The following CACNA1C variants were observed in gnomAD, a reference collection of about 807,000 sequenced individuals.
CACNA1C encodes calcium voltage-gated channel subunit alpha1 C, also known as voltage-dependent L-type calcium channel subunit alpha-1C.
In CACNA1C, 30 loss-of-function variants were observed where a neutral mutation model predicts 229.0. The ratio of observed to expected loss-of-function variants is 0.13; its 90% CI spans 0.10 to 0.18. CACNA1C has a LOEUF of 0.18. CACNA1C is among the 10% of genes least tolerant of loss of function. The pLI, the probability that CACNA1C is intolerant of heterozygous loss-of-function variation, is 1.00. For synonymous variants in CACNA1C, 1,114 were observed against 1,132.5 expected (o/e 0.98, Z 0.33); for missense variants, 1,658 against 2,845.0 (o/e 0.58, Z 9.49).
rs2238069 is a variant in CACNA1C at position 2,346,896 on chromosome 12, C to T, written c.478-102080C>T. ...TTAGGGGTGCCATGATTTGAACCAT[C>T]TCACCTCTGCATTTTTGCTGGTGTC... On this transcript the variant is annotated intron_variant, in intron 3 of 46. Transcript: ENST00000399655. This position sits in a 1 kb window ranked among gnomAD's most constrained non-coding sequence, Gnocchi z 4.4. Among the ~76,000 whole-genome samples the T allele has an allele frequency of 0.46, 69,749 of 152,046 alleles. 17,920 individuals carry two copies. The highest frequency in any genetic ancestry group is 0.57 in the Non-Finnish European group (39,080 of 67,966).
intron 3 of CACNA1C, among the ~76,000 whole-genome samples, chr12:2,342,587 G>A (rs571789914): frequency 6.6e-6 from 1 of 152,196 alleles, no homozygotes; most frequent in South Asian, 2.1e-4. Context: ...GGTTCTTGAC[G>A]GAGCTGTGTC....
At chr12:2,328,858 A>G (rs2096437644) in intron 3 of CACNA1C, among the ~76,000 whole-genome samples, 1 of 152,198 alleles carries the variant, frequency 6.6e-6, no homozygotes, top group South Asian at 2.1e-4. Flanking sequence ...GTGTGGGTAG[A>G]CAAGGCCACT....
At chr12:2,528,087 A>G (rs893913963) in intron 9 of CACNA1C, among the ~76,000 whole-genome samples, 5 of 152,178 alleles carry the variant, frequency 3.3e-5, no homozygotes, top group Non-Finnish European at 7.3e-5. Flanking sequence ...GGGATGAATG[A>G]CCCTCATGTT....
intron 1 of CACNA1C, among the ~76,000 whole-genome samples, chr12:2,106,643 A>T: frequency 1.7e-5 from 1 of 59,054 alleles, no homozygotes; most frequent in Non-Finnish European, 3.7e-5. Context: ...CTGGGCGCCC[A>T]CCCCGGGGAG....
At chr12:2,182,448 C>T (rs1249521233) in intron 3 of CACNA1C, among the ~76,000 whole-genome samples, 1 of 152,020 alleles carries the variant, frequency 6.6e-6, no homozygotes, top group Admixed American at 6.6e-5. Context: ...AATCGAAATC[C>T]ACTCACATTT....
chr12:1,981,224 G>A (rs1318790100), intron 1 of CACNA1C, among the ~76,000 whole-genome samples: 1 of 152,130 alleles, frequency 6.6e-6, no homozygotes, highest in Non-Finnish European at 1.5e-5. Flanking sequence ...ATCACTCACT[G>A]CTTCGGGTTT....
At position 2,606,541 on chromosome 12, in the gene CACNA1C, C is replaced by G. The variant is rs565613560; in HGVS notation, c.3157-70C>G. 28 of 1,259,140 alleles carry G rather than the reference C, an allele frequency of 2.2e-5. No homozygotes were observed. The African/African-American group carries it at 3.7e-4, about 17-fold the overall frequency. The allele number at this position is 1,259,140 out of a possible 1,614,324, so 78.0% of individuals were successfully genotyped here. A position where few individuals can be genotyped will look rare whatever the true frequency, so the allele number is the denominator to read the frequency against. On this transcript the variant is annotated intron_variant, in intron 24 of 46. Coordinates refer to ENST00000399655, the MANE Select transcript of CACNA1C (RefSeq NM_000719.7). ...AGCACAGTGCTGGGCTATGGAGATG[C>G]TCACTAATTGCTTTTGGATTGACTC...
At chr12:2,553,271 T>C (rs941779893) in intron 10 of CACNA1C, among the ~76,000 whole-genome samples, 1 of 152,172 alleles carries the variant, frequency 6.6e-6, no homozygotes, top group Non-Finnish European at 1.5e-5. Flanking sequence ...CAAGATTTCA[T>C]GTGAAGAAAG....
chr12:2,148,840 C>T lies in CACNA1C; in HGVS notation c.477+28410C>T, dbSNP rs571530410. 2.6e-5 allele frequency among the ~76,000 whole-genome samples: 4 copies of T among 152,150 alleles called. 1 individual carries two copies. Among genetic ancestry groups the T allele is most frequent in the Non-Finnish European group, 5.9e-5 (4 of 68,014 alleles). ...CCCTCCCTGCGGTCTGGAGGAGTTGCCTTGGGACCTGTGCTTCCTTGGCTC... is the reference window on the plus strand; with the variant it reads ...CCCTCCCTGCGGTCTGGAGGAGTTGTCTTGGGACCTGTGCTTCCTTGGCTC... On this transcript the variant is annotated intron_variant, in intron 3 of 46. Transcript: ENST00000399655.
At chr12:2,030,684 C>T (rs919195600) in intron 1 of CACNA1C, among the ~76,000 whole-genome samples, 105 of 152,310 alleles carry the variant, frequency 6.9e-4, no homozygotes, top group African/African-American at 2.5e-3. Context: ...TTTCTGGAGC[C>T]CGGGCACAGG....
chr12:2,587,166 G>A (rs1461525889), intron 18 of CACNA1C, among the ~76,000 whole-genome samples: 2 of 151,728 alleles, frequency 1.3e-5, no homozygotes, highest in African/African-American at 4.8e-5. Context: ...TATGGCCAGA[G>A]TCTAAATGTT....
intron 3 of CACNA1C, among the ~76,000 whole-genome samples, chr12:2,308,409 C>T: frequency 6.6e-6 from 1 of 152,142 alleles, no homozygotes; most frequent in East Asian, 1.9e-4. Context: ...GTTCAACAGC[C>T]AGTTTTCTCA....
chr12:2,655,318 G>C, intron 34 of CACNA1C, 80 bp downstream of exon 34: 1 of 858,672 alleles, frequency 1.2e-6, no homozygotes, highest in Non-Finnish European at 1.9e-6. Context: ...TAGAATGAAA[G>C]GGAACTGCTT....
chr12:2,440,015 C>T (rs929707307), intron 3 of CACNA1C, among the ~76,000 whole-genome samples: 1 of 152,190 alleles, frequency 6.6e-6, no homozygotes, highest in Non-Finnish European at 1.5e-5. Context: ...CTGCCCAGCC[C>T]TTCTTCCCAG....
At chr12:2,244,933 G>A (rs897361995) in intron 3 of CACNA1C, among the ~76,000 whole-genome samples, 1 of 152,136 alleles carries the variant, frequency 6.6e-6, no homozygotes, top group Non-Finnish European at 1.5e-5. Context: ...CAGACCCATC[G>A]AAGCCAAGGC....
chr12:2,401,127 C>G (rs1172518485), intron 3 of CACNA1C, among the ~76,000 whole-genome samples: 2 of 152,214 alleles, frequency 1.3e-5, no homozygotes, highest in African/African-American at 4.8e-5. Context: ...AGTGACACCT[C>G]AGGGTCTGGA....
intron 3 of CACNA1C, among the ~76,000 whole-genome samples, chr12:2,177,546 CTTCCTTCCCT>C (rs1379978154): frequency 2.1e-5 from 3 of 143,284 alleles, no homozygotes; most frequent in Non-Finnish European, 4.6e-5. Context: ...CTTCCCTTTC[CTTCCTTCCCT>C]TTCCTTCCCT....
At chr12:2,320,757 T>C (rs762662667) in intron 3 of CACNA1C, among the ~76,000 whole-genome samples, 10 of 152,326 alleles carry the variant, frequency 6.6e-5, no homozygotes, top group Non-Finnish European at 1.3e-4. Context: ...AAAAGCTCTC[T>C]ATTAAATCAG....
At chr12:2,279,362 C>A (rs1463205024) in intron 3 of CACNA1C, among the ~76,000 whole-genome samples, 2 of 152,150 alleles carry the variant, frequency 1.3e-5, no homozygotes, top group African/African-American at 2.4e-5. Flanking sequence ...GTGCTAGTTA[C>A]CCCTTCATCT....
Sources: gnomAD v4.1 joint callset for allele counts (sites outside exome capture counted in the v4.1 genomes callset) on GRCh38, gnomAD v4.1.1 for gene constraint, Gnocchi (gnomAD v3.1) non-coding constraint, MANE v1.5 for transcripts, NCBI Gene and HGNC (gene_info 2026-07-23, HGNC 2026-07-21) for gene names.